Variants in LINGO2 observed in about 807,000 individuals in gnomAD.
LINGO2 encodes the protein leucine-rich repeat and immunoglobulin-like domain-containing nogo receptor-interacting protein 2.
Under a neutral mutation model 30.6 loss-of-function variants are expected in LINGO2, and 14 were observed. That is an observed-to-expected ratio of 0.46 (90% CI 0.30 to 0.72). LINGO2 has a LOEUF of 0.72. Among genes scored for constraint, LINGO2 ranks in the 30% least tolerant of loss-of-function variants. LINGO2 has a pLI of 0.07. For synonymous variants in LINGO2, 317 were observed against 288.5 expected, an observed-to-expected ratio of 1.10 and a Z score of -1.00; for missense variants, 729 against 751.7, an observed-to-expected ratio of 0.97 and a Z score of 0.35.
the LINGO2 span, chr9:28,889,044 A>T: frequency 2.3e-6 from 1 of 425,784 alleles, no homozygotes; most frequent in Admixed American, 2.5e-5. Flanking sequence ...GTTCCCCTGG[A>T]GTATCTTCAG....
chr9:28,081,743 G>A (rs1825779670), intron 4 of LINGO2, among the ~76,000 whole-genome samples: 1 of 152,156 alleles, frequency 6.6e-6, no homozygotes, highest in African/African-American at 2.4e-5. Context: ...CTATATTTTA[G>A]AGGTGCTGTA....
intron 4 of LINGO2, among the ~76,000 whole-genome samples, chr9:28,199,589 C>T (rs1043341716): frequency 1.3e-5 from 2 of 152,090 alleles, no homozygotes; most frequent in African/African-American, 2.4e-5. Context: ...CCGCCTGCCT[C>T]GGCCCCCCAA....
the LINGO2 span, among the ~76,000 whole-genome samples, chr9:29,113,826 A>T: frequency 1.7e-4 from 26 of 152,178 alleles, no homozygotes; most frequent in Non-Finnish European, 3.4e-4. Flanking sequence ...AGCAAAAGTA[A>T]ACTGGTCAAG....
the LINGO2 span, among the ~76,000 whole-genome samples, chr9:28,951,545 C>T: frequency 2.0e-5 from 3 of 152,116 alleles, no homozygotes; most frequent in Non-Finnish European, 4.4e-5. Flanking sequence ...CTTATTCTGA[C>T]CTGACAGAGG....
chr9:28,777,891 A>T, the LINGO2 span, among the ~76,000 whole-genome samples: 1 of 152,098 alleles, frequency 6.6e-6, no homozygotes, highest in Non-Finnish European at 1.5e-5. Context: ...TCATTTTAAA[A>T]TCCTGATTTC....
chr9:28,682,901 A>G, the LINGO2 span, among the ~76,000 whole-genome samples: 1 of 152,144 alleles, frequency 6.6e-6, no homozygotes, highest in African/African-American at 2.4e-5. Context: ...AAACACAGGA[A>G]TTGAAAAGAA....
the LINGO2 span, among the ~76,000 whole-genome samples, chr9:28,747,951 G>C: frequency 1.3e-5 from 2 of 152,042 alleles, no homozygotes; most frequent in African/African-American, 2.4e-5. Context: ...GAGACAACGA[G>C]TCAAAAATTT....
chr9:28,011,229 C>T (rs1822536242), intron 5 of LINGO2, among the ~76,000 whole-genome samples: 1 of 151,902 alleles, frequency 6.6e-6, no homozygotes, highest in Non-Finnish European at 1.5e-5. Flanking sequence ...TTCTGTGACA[C>T]GACACAAAAA....
chr9:28,055,237 A>G (rs1459822731), intron 4 of LINGO2, among the ~76,000 whole-genome samples: 1 of 152,156 alleles, frequency 6.6e-6, no homozygotes, highest in Non-Finnish European at 1.5e-5. Context: ...TAACTTACGA[A>G]TAAGGTAGAA....
chr9:27,974,248 C>G (rs1039481558), intron 5 of LINGO2, among the ~76,000 whole-genome samples: 1 of 152,122 alleles, frequency 6.6e-6, no homozygotes, highest in Non-Finnish European at 1.5e-5. Flanking sequence ...GAGATGTTAC[C>G]TCAAGCTGCA....
intron 3 of LINGO2, among the ~76,000 whole-genome samples, chr9:28,309,002 A>T (rs1489890272): frequency 6.6e-6 from 1 of 152,042 alleles, no homozygotes; most frequent in Admixed American, 6.6e-5. Flanking sequence ...AACTAGTTCA[A>T]CCATTGTGGA....
chr9:29,173,230 A>G, the LINGO2 span, among the ~76,000 whole-genome samples: 1 of 152,048 alleles, frequency 6.6e-6, no homozygotes. Context: ...CCAAGAGTCA[A>G]CTCAGTTGAC....
At chr9:28,962,905 C>T in the LINGO2 span, among the ~76,000 whole-genome samples, 1 of 151,830 alleles carries the variant, frequency 6.6e-6, no homozygotes, top group South Asian at 2.1e-4. Flanking sequence ...GAACTTTACT[C>T]ATTTGAAATA....
chr9:29,173,166 T>C, the LINGO2 span, among the ~76,000 whole-genome samples: 1 of 151,988 alleles, frequency 6.6e-6, no homozygotes, highest in East Asian at 1.9e-4. Context: ...AGCTGTGGTA[T>C]AGTGGGTGGA....
chr9:28,776,000 C>G, the LINGO2 span, among the ~76,000 whole-genome samples: 1 of 152,138 alleles, frequency 6.6e-6, no homozygotes, highest in African/African-American at 2.4e-5. Flanking sequence ...TGTCACCAGT[C>G]CCTGGCTCAT....
intron 2 of LINGO2, among the ~76,000 whole-genome samples, chr9:28,451,662 T>G (rs1416288208): frequency 2.6e-5 from 4 of 151,796 alleles, no homozygotes; most frequent in Admixed American, 6.6e-5. Context: ...GAAAGCTAAC[T>G]AAATTTCGGA....
intron 2 of LINGO2, among the ~76,000 whole-genome samples, chr9:28,389,769 GCATTCAACAGA>G (rs1172352750): frequency 6.6e-6 from 1 of 152,154 alleles, no homozygotes; most frequent in African/African-American, 2.4e-5. Flanking sequence ...AAACTATTTT[GCATTCAACAGA>G]CATCTAGAGT....
At chr9:28,515,138 A>G (rs1354526218) in intron 1 of LINGO2, among the ~76,000 whole-genome samples, 2 of 152,092 alleles carry the variant, frequency 1.3e-5, no homozygotes, top group African/African-American at 4.8e-5. Flanking sequence ...CAGACACAAC[A>G]TCCATTCTGC....
intron 4 of LINGO2, among the ~76,000 whole-genome samples, chr9:28,042,938 G>A (rs895763774): frequency 1.2e-4 from 19 of 152,296 alleles, no homozygotes; most frequent in African/African-American, 4.3e-4. Flanking sequence ...GTAGCACCGT[G>A]ATGAGAAAAA....
Sources: allele counts gnomAD v4.1 joint callset (sites outside exome capture counted in the v4.1 genomes callset), GRCh38; gene constraint gnomAD v4.1.1; transcripts MANE v1.5; gene names NCBI Gene and HGNC (gene_info 2026-07-23, HGNC 2026-07-21).